The following SORBS3 variants were observed in gnomAD, a reference collection of about 807,000 sequenced individuals.
SORBS3 encodes the protein vinexin.
SORBS3 carries 69 observed loss-of-function variants against 98.0 expected under a neutral mutation model. That is an observed-to-expected ratio of 0.70 (90% CI 0.58 to 0.86). The LOEUF is 0.86. SORBS3 is among the 40% of genes least tolerant of loss of function. SORBS3 has a pLI of 0.00. For synonymous variants in SORBS3, 394 were observed against 355.4 expected (o/e 1.11, Z -1.22); for missense variants, 954 against 908.5 (o/e 1.05, Z -0.64).
chr8:22,571,283 G>A (rs948658136), intron 18 of SORBS3, 62 bp downstream of exon 18: 7 of 972,874 alleles, frequency 7.2e-6, no homozygotes, highest in East Asian at 2.5e-5. Flanking sequence ...CCCCACCCCC[G>A]TGACTTGTCC....
chr8:22,555,060 G>A, intron 3 of SORBS3, 80 bp downstream of exon 3: 1 of 1,231,490 alleles, frequency 8.1e-7, no homozygotes, highest in South Asian at 1.3e-5. Context: ...TCAAGCGGGA[G>A]GGGCAGCAGC....
At chr8:22,561,407 C>A in intron 6 of SORBS3, 34 bp downstream of exon 6, 1 of 1,612,234 alleles carries the variant, frequency 6.2e-7, no homozygotes, top group South Asian at 1.1e-5. Flanking sequence ...CCTGCCATAG[C>A]CCTGCGCCTG....
chr8:22,564,467 G>C lies in SORBS3; in HGVS notation c.763-1G>C. 1 of 1,614,108 alleles carries C rather than the reference G, an allele frequency of 6.2e-7. No individual in the cohort carries two copies. Among genetic ancestry groups the C allele is most frequent in the Non-Finnish European group, 8.5e-7 (1 of 1,180,008 alleles). On this transcript the variant is annotated splice_acceptor_variant, in intron 9 of 20. Transcript: ENST00000240123. LOFTEE classifies it high-confidence loss of function. ...TCTGACACACCCTTTCTACCCTTCA[G>C]CCCAAGAAACCGCTGGTGGACGACC...
Position 22,564,354 on chromosome 8 carries a change from A to G in SORBS3, c.747A>G (p.Leu249=). ...EESWNQFLQE[L]ETGQRPKKPL... The stretch of plus-strand genomic sequence containing the variant: ...CCTGGAACCAGTTTCTGCAGGAACT[A>G]GAGACTGGGCAGAGGGTGAGTGCTG... Residue 249 remains leucine, a synonymous_variant, in exon 9 of 21, where the codon CTA becomes CTG. Coordinates refer to ENST00000240123, the MANE Select transcript of SORBS3 (RefSeq NM_005775.5). 1.2e-6 allele frequency: 2 copies of G among 1,614,054 alleles called. No homozygotes were observed. Among genetic ancestry groups the G allele is most frequent in the East Asian group, 4.5e-5 (2 of 44,884 alleles).
chr8:22,573,780 C>T (rs2117311004), intron 20 of SORBS3, among the ~76,000 whole-genome samples: 1 of 152,346 alleles, frequency 6.6e-6, no homozygotes, highest in Middle Eastern at 3.4e-3. Flanking sequence ...ACGTTCATTT[C>T]AGTTTATATT....
At chr8:22,562,317 C>T (rs985273216) in intron 7 of SORBS3, among the ~76,000 whole-genome samples, 1 of 152,310 alleles carries the variant, frequency 6.6e-6, no homozygotes, top group Middle Eastern at 3.4e-3. Flanking sequence ...TGGCGCTGTC[C>T]ACTTTGAAAC....
At position 22,554,812 on chromosome 8, in the gene SORBS3, C is replaced by G; in HGVS notation, c.103-51C>G. The G allele has an allele frequency of 2.1e-6, 2 of 968,048 alleles. No homozygotes were observed. The highest frequency in any genetic ancestry group is 3.2e-6 in the Non-Finnish European group (2 of 615,832). The allele number at this position is 968,048 out of a possible 1,614,324, so 60.0% of individuals were successfully genotyped here. A position where few individuals can be genotyped will look rare whatever the true frequency, so the allele number is the denominator to read the frequency against. On this transcript the variant is annotated intron_variant, in intron 2 of 20. Transcript: ENST00000240123. This position sits in a 1 kb window ranked among gnomAD's most constrained non-coding sequence, Gnocchi z 6.5. ...TGGGCTGTGCCTAGTAGCCATCCCT[C>G]CCTCCCGCCCTGCTGGGCCCTGAGC...
chr8:22,575,268 G>A lies in SORBS3; in HGVS notation c.*540G>A, dbSNP rs1840706182. The A allele has an allele frequency of 1.4e-5, 4 of 283,582 alleles. No homozygotes were observed. The highest frequency in any genetic ancestry group is 1.3e-4 in the South Asian group (4 of 31,772). 17.6% of individuals were successfully genotyped at this position (283,582 alleles called of 1,614,324 possible). A position where few individuals can be genotyped will look rare whatever the true frequency, so the allele number is the denominator to read the frequency against. The stretch of plus-strand genomic sequence containing the variant: ...GGGACAGACGCAGCACCTTCTTAGC[G>A]ATCTAGGCCTGGCAAGAGCTCTGGC... On this transcript the variant is annotated 3_prime_UTR_variant, in exon 21 of 21. Transcript: ENST00000240123.
chr8:22,558,637 A>G (rs1412369025), intron 5 of SORBS3, among the ~76,000 whole-genome samples: 1 of 152,254 alleles, frequency 6.6e-6, no homozygotes, highest in African/African-American at 2.4e-5. Flanking sequence ...AGCATGTACC[A>G]CATGCTGAGC....
Position 22,561,341 on chromosome 8 carries a change from A to T in SORBS3, c.485A>T (p.Gln162Leu), listed in dbSNP as rs1016917031. The change falls in exon 6 of 21, where the codon CAG becomes CTG. Residue 162 changes from glutamine to leucine, a missense_variant. By Grantham distance (113) the Gln-to-Leu change is moderately radical (BLOSUM62 -2). Coordinates refer to ENST00000240123, the MANE Select transcript of SORBS3 (RefSeq NM_005775.5). ...GTCCCTTCTGCTCCTGCAGACTTGC[A>T]GCTGGACTGGACCTTCGAGGAGCCA... ...QQIHRKMPDL[Q>L]LDWTFEEPPR... The T allele has an allele frequency of 1.2e-6, 2 of 1,603,066 alleles. No individual in the cohort carries two copies. The highest frequency in any genetic ancestry group is 1.7e-6 in the Non-Finnish European group (2 of 1,173,204).
In SORBS3 at chr8:22,554,598, G is replaced by C. The variant is rs370407437; in HGVS notation, c.92G>C (p.Arg31Pro). ...CAGTCCCACATAGGGTCTTCCTCCC[G>C]GGGGACACGGGTGAGTGAGTCAGTA... Reference protein sequence around the residue: ...HLQSHIGSSSRGTRVPVIRNG... With the variant: ...HLQSHIGSSSPGTRVPVIRNG... The change falls in exon 2 of 21, where the codon CGG becomes CCG. Residue 31 changes from arginine (R) to proline (P), a missense_variant. Arg to Pro is a moderately radical substitution (Grantham distance 103). Coordinates refer to ENST00000240123, the MANE Select transcript of SORBS3 (RefSeq NM_005775.5). The surrounding 1 kb of genome is among the most constrained non-coding windows in gnomAD (Gnocchi z 6.5). 3.7e-6 allele frequency: 6 copies of C among 1,611,666 alleles called. No individual in the cohort carries two copies. Among genetic ancestry groups the C allele is most frequent in the African/African-American group, 2.7e-5 (2 of 74,934 alleles).
chr8:22,565,414 C>T (rs1840387322), intron 11 of SORBS3, 60 bp downstream of exon 11: 1 of 1,351,310 alleles, frequency 7.4e-7, no homozygotes, highest in Non-Finnish European at 1.0e-6. Flanking sequence ...CGGGGCGAGC[C>T]GGGAGCCTCG....
rs960122317 is a variant in SORBS3, at chr8:22,554,293, T to G, written c.-55-159T>G. On this transcript the variant is annotated intron_variant, in intron 1 of 20. Transcript: ENST00000240123. The surrounding 1 kb of genome is among the most constrained non-coding windows in gnomAD (Gnocchi z 6.5). Reference sequence around the variant, plus strand: ...CAGGCACGGGCAGCCTGCAGGCGGGTGCCTGGCGTGGCCTGTTTCCTGGGT... The same window carrying G: ...CAGGCACGGGCAGCCTGCAGGCGGGGGCCTGGCGTGGCCTGTTTCCTGGGT... 3.3e-6 allele frequency: 2 copies of G among 615,184 alleles called. No homozygotes were observed. Among genetic ancestry groups the G allele is most frequent in the Non-Finnish European group, 5.0e-6 (2 of 396,068 alleles). The allele number at this position is 615,184 out of a possible 1,614,324, so 38.1% of individuals were successfully genotyped here.
At chr8:22,571,893 C>G in intron 19 of SORBS3, 72 bp downstream of exon 19, 1 of 1,088,052 alleles carries the variant, frequency 9.2e-7, no homozygotes, top group Non-Finnish European at 1.4e-6. Flanking sequence ...ATATTCCACC[C>G]TCCCCCAAGT....
chr8:22,564,736 G>A, intron 10 of SORBS3: 1 of 1,420,690 alleles, frequency 7.0e-7, no homozygotes, highest in Non-Finnish European at 9.2e-7. Context: ...GGCCAAAGCA[G>A]GAGCAGAAAA....
chr8:22,569,357 T>G, intron 17 of SORBS3, 84 bp downstream of exon 17: 2 of 1,243,236 alleles, frequency 1.6e-6, no homozygotes, highest in Non-Finnish European at 2.1e-6. Context: ...TTTTTTTTTT[T>G]TGAGACAGAG....
Position 22,566,804 on chromosome 8 carries a change from G to A in SORBS3, c.1144-18G>A, listed in dbSNP as rs1586901955. ...CCGCCCAACTGAGAGAGCCCACTCT[G>A]TCCTCTCCCCTGCCTAGAGAAAGGC... On this transcript the variant is annotated intron_variant, in intron 14 of 20. Transcript: ENST00000240123. The A allele has an allele frequency of 3.1e-6, 5 of 1,614,030 alleles. No individual in the cohort carries two copies. The highest frequency in any genetic ancestry group is 3.3e-4 in the Middle Eastern group (2 of 6,058).
At position 22,566,870 on chromosome 8, in the gene SORBS3, T is replaced by TAAGC; in HGVS notation, c.1190+3_1190+6dup. ...TGACTTCCAGGCGCAGTCCCCCAAG[T>TAAGC]AAGCGCCCTCCTCCCCCTCCCCTTC... On this transcript the variant is annotated splice_region_variant and intron_variant, in intron 15 of 20. Transcript: ENST00000240123. The TAAGC allele has an allele frequency of 6.2e-7, 1 of 1,609,298 alleles. No individual in the cohort carries two copies. The highest frequency in any genetic ancestry group is 1.1e-5 in the South Asian group (1 of 90,384).
At position 22,566,273 on chromosome 8, in the gene SORBS3, G is replaced by C. The variant is rs1247033710; in HGVS notation, c.951-72G>C. 3 of 1,518,438 alleles carry C rather than the reference G, an allele frequency of 2.0e-6. No individual in the cohort carries two copies. In the African/African-American group the frequency reaches 4.2e-5, roughly 21 times the overall value. The allele number at this position is 1,518,438 out of a possible 1,614,324, so 94.1% of individuals were successfully genotyped here. ...CAGGGATGGGGGCGATGGGGGGTCA[G>C]AGCGGTCTAGGGGTGACCAGGGTGG... On this transcript the variant is annotated intron_variant, in intron 12 of 20. Transcript: ENST00000240123.
Sources: allele counts gnomAD v4.1 joint callset (sites outside exome capture counted in the v4.1 genomes callset), GRCh38; gene constraint gnomAD v4.1.1; non-coding constraint Gnocchi (gnomAD v3.1); transcripts MANE v1.5; gene names NCBI Gene and HGNC (gene_info 2026-07-23, HGNC 2026-07-21).